GALNT13: variants seen among roughly 807,000 people sequenced by gnomAD.
GALNT13 encodes the protein UDP-GalNAc:polypeptide N-acetylgalactosaminyltransferase 13.
A neutral mutation model predicts 64.2 loss-of-function variants in GALNT13; 28 were observed. The ratio of observed to expected loss-of-function variants is 0.44; its 90% CI spans 0.32 to 0.60. The LOEUF is 0.60. Ranked by LOEUF, GALNT13 falls within the 20% of genes least tolerant of loss-of-function variation. The pLI, the probability that GALNT13 is intolerant of heterozygous loss-of-function variation, is 0.05. For missense variants in GALNT13, 577 were observed against 669.8 expected (o/e 0.86, Z 1.53); for synonymous variants, 214 against 224.6 (o/e 0.95, Z 0.42).
the GALNT13 span, among the ~76,000 whole-genome samples, chr2:153,365,301 TA>T: frequency 7.2e-5 from 11 of 152,254 alleles, no homozygotes; most frequent in Non-Finnish European, 1.5e-4. Context: ...GAAGAAAACT[TA>T]GGCAATATCA....
the GALNT13 span, among the ~76,000 whole-genome samples, chr2:153,806,235 A>T: frequency 4.6e-5 from 7 of 152,144 alleles, no homozygotes; most frequent in Non-Finnish European, 8.8e-5. Context: ...GAGTAATGTT[A>T]AAAATTAGTA....
At chr2:154,015,380 G>T (rs1696935257) in intron 3 of GALNT13, among the ~76,000 whole-genome samples, 1 of 152,138 alleles carries the variant, frequency 6.6e-6, no homozygotes, top group Admixed American at 6.5e-5. Flanking sequence ...CATCATTGTT[G>T]AACTTAGAAA....
chr2:154,209,712 A>G (rs1687661595), intron 4 of GALNT13, among the ~76,000 whole-genome samples: 1 of 152,148 alleles, frequency 6.6e-6, no homozygotes, highest in South Asian at 2.1e-4. Context: ...GAATTATTTC[A>G]TGTTCCCTTT....
intron 3 of GALNT13, among the ~76,000 whole-genome samples, chr2:154,101,400 G>C (rs1702342021): frequency 6.6e-6 from 1 of 151,880 alleles, no homozygotes; most frequent in Non-Finnish European, 1.5e-5. Flanking sequence ...ATGTTTATAA[G>C]AATGTATCCA....
the GALNT13 span, among the ~76,000 whole-genome samples, chr2:153,127,147 A>C: frequency 6.8e-6 from 1 of 146,256 alleles, no homozygotes. Flanking sequence ...TGGAGTATTG[A>C]GTGCATTTTT....
intron 3 of GALNT13, among the ~76,000 whole-genome samples, chr2:154,094,566 C>T (rs1260225385): frequency 6.6e-6 from 1 of 151,824 alleles, no homozygotes; most frequent in Non-Finnish European, 1.5e-5. Context: ...TAAGATTTAC[C>T]ATTTAATTAA....
the GALNT13 span, among the ~76,000 whole-genome samples, chr2:153,150,080 A>G: frequency 6.6e-6 from 1 of 151,916 alleles, no homozygotes; most frequent in South Asian, 2.1e-4. Context: ...TCTAATCAGC[A>G]TGTCTATGGA....
At chr2:154,015,960 C>A (rs1179812897) in intron 3 of GALNT13, among the ~76,000 whole-genome samples, 1 of 152,092 alleles carries the variant, frequency 6.6e-6, no homozygotes, top group African/African-American at 2.4e-5. Flanking sequence ...AGGTGCCAGA[C>A]AAAATGAAAT....
At chr2:154,028,737 A>T (rs1012963328) in intron 3 of GALNT13, among the ~76,000 whole-genome samples, 2 of 152,086 alleles carry the variant, frequency 1.3e-5, no homozygotes, top group East Asian at 3.8e-4. Context: ...TTATGTTTTC[A>T]TAAGGACATA....
At chr2:153,338,115 G>A in the GALNT13 span, among the ~76,000 whole-genome samples, 2 of 150,890 alleles carry the variant, frequency 1.3e-5, no homozygotes, top group East Asian at 1.9e-4. Flanking sequence ...ATTTATTGAG[G>A]CCCCCATCTC....
At chr2:153,463,629 C>T in the GALNT13 span, among the ~76,000 whole-genome samples, 3 of 151,970 alleles carry the variant, frequency 2.0e-5, no homozygotes, top group Non-Finnish European at 4.4e-5. Context: ...CTAGGATCTT[C>T]TAGCAGATTA....
At chr2:154,239,331 T>C (rs946078171) in intron 4 of GALNT13, among the ~76,000 whole-genome samples, 11 of 152,172 alleles carry the variant, frequency 7.2e-5, no homozygotes, top group African/African-American at 2.7e-4. Context: ...TGATGCTGAG[T>C]AGACTTTATT....
At chr2:153,849,111 T>A in the GALNT13 span, among the ~76,000 whole-genome samples, 1 of 152,142 alleles carries the variant, frequency 6.6e-6, no homozygotes, top group African/African-American at 2.4e-5. Flanking sequence ...ATTGGATTTA[T>A]TTCAGAAATG....
intron 11 of GALNT13, among the ~76,000 whole-genome samples, chr2:154,417,878 C>T (rs1045799961): frequency 2.6e-5 from 4 of 152,038 alleles, no homozygotes; most frequent in Non-Finnish European, 4.4e-5. Flanking sequence ...CTATATAGTG[C>T]TGTATTTTTT....
intron 3 of GALNT13, among the ~76,000 whole-genome samples, chr2:154,014,659 G>C: frequency 2.8e-5 from 1 of 36,186 alleles, no homozygotes; most frequent in Admixed American, 2.2e-4. Flanking sequence ...TTGAGACGGA[G>C]TCTTGTGCTT....
At chr2:154,348,624 G>A (rs1046462274) in intron 9 of GALNT13, among the ~76,000 whole-genome samples, 1 of 152,046 alleles carries the variant, frequency 6.6e-6, no homozygotes, top group East Asian at 1.9e-4. Flanking sequence ...TATGTTTGGG[G>A]CTGGCCCATC....
the GALNT13 span, among the ~76,000 whole-genome samples, chr2:153,157,059 G>A: frequency 3.9e-5 from 6 of 152,120 alleles, no homozygotes; most frequent in Non-Finnish European, 7.4e-5. Context: ...AGAAAAAAGT[G>A]GAGACATAAG....
chr2:153,890,737 G>A (rs1687494785), intron 1 of GALNT13, among the ~76,000 whole-genome samples: 1 of 152,024 alleles, frequency 6.6e-6, no homozygotes, highest in African/African-American at 2.4e-5. Context: ...GTGGTGGCTG[G>A]TTTGTTTCTT....
intron 4 of GALNT13, among the ~76,000 whole-genome samples, chr2:154,199,667 T>C (rs956716326): frequency 2.1e-4 from 32 of 151,882 alleles, no homozygotes. Flanking sequence ...AATTTATCTA[T>C]TAGTAAAAAA....
Sources: gnomAD v4.1 joint callset for allele counts (sites outside exome capture counted in the v4.1 genomes callset) on GRCh38, gnomAD v4.1.1 for gene constraint, MANE v1.5 for transcripts, NCBI Gene and HGNC (gene_info 2026-07-23, HGNC 2026-07-21) for gene names.